Variants in GLI3 observed in about 807,000 individuals in gnomAD.
GLI3 encodes the protein GLI family zinc finger 3.
In GLI3, 20 loss-of-function variants were observed where a neutral mutation model predicts 100.8. The ratio of observed to expected loss-of-function variants is 0.20; its 90% confidence interval spans 0.14 to 0.29. GLI3 has a LOEUF of 0.29. Among genes scored for constraint, GLI3 ranks in the 10% least tolerant of loss-of-function variants. The pLI is 1.00. For missense variants in GLI3, 2,040 were observed against 2,128.5 expected (o/e 0.96, Z 0.82); for synonymous variants, 938 against 860.5 (o/e 1.09, Z -1.58).
intron 3 of GLI3, among the ~76,000 whole-genome samples, chr7:42,100,287 G>A (rs73688635): frequency 0.032 from 4,934 of 152,292 alleles, 279 homozygotes; most frequent in African/African-American, 0.11. Flanking sequence ...CTGGTGCAGT[G>A]GGTTGAACTG....
chr7:42,257,182 C>G (rs956262559), intron 1 of GLI3, among the ~76,000 whole-genome samples: 1 of 152,032 alleles, frequency 6.6e-6, no homozygotes, highest in Non-Finnish European at 1.5e-5. Flanking sequence ...TTTCTACATA[C>G]AAAATTATGT....
upstream of GLI3, among the ~76,000 whole-genome samples, chr7:42,239,349 G>T (rs1331445531): frequency 6.6e-6 from 1 of 152,186 alleles, no homozygotes; most frequent in Non-Finnish European, 1.5e-5. Context: ...TCCCAGGATG[G>T]CTGAGGGTTT....
intron 1 of GLI3, among the ~76,000 whole-genome samples, chr7:42,249,187 C>T (rs1789006027): frequency 6.6e-6 from 1 of 152,022 alleles, no homozygotes; most frequent in Admixed American, 6.5e-5. Flanking sequence ...TGTAAAAGAC[C>T]ACAACTTTTC....
intron 3 of GLI3, among the ~76,000 whole-genome samples, chr7:42,102,821 AC>A (rs1785495568): frequency 6.6e-6 from 1 of 151,732 alleles, no homozygotes; most frequent in African/African-American, 2.4e-5. Context: ...GTCTTTAACA[AC>A]CCCCTGAATA....
At chr7:42,097,674 G>T (rs1353906309) in intron 3 of GLI3, among the ~76,000 whole-genome samples, 1 of 152,184 alleles carries the variant, frequency 6.6e-6, no homozygotes, top group Non-Finnish European at 1.5e-5. Context: ...TCCTTTGAAA[G>T]AAGAAAAAAT....
intron 7 of GLI3, among the ~76,000 whole-genome samples, chr7:42,038,324 G>C (rs889526139): frequency 8.5e-5 from 13 of 152,212 alleles, no homozygotes; most frequent in Admixed American, 6.5e-5. Flanking sequence ...AACCATCCCA[G>C]CTCAGCTCCC....
At chr7:42,061,953 A>G (rs1271299170) in intron 4 of GLI3, among the ~76,000 whole-genome samples, 3 of 152,158 alleles carry the variant, frequency 2.0e-5, no homozygotes, top group Admixed American at 6.5e-5. Flanking sequence ...AGGAGCTACA[A>G]AGTCTCCTTC....
rs1200929301 is a variant in GLI3 at position 42,225,999 on chromosome 7, A to G, written c.-42-2704T>C. Among the ~76,000 whole-genome samples the G allele has an allele frequency of 2.6e-5, 4 of 152,202 alleles. No homozygotes were observed. In the South Asian group the frequency reaches 6.2e-4, roughly 24 times the overall value. On this transcript the variant is annotated intron_variant, in intron 1 of 14. Transcript: ENST00000395925. Reference sequence around the variant, plus strand: ...GGACTCTGCAGCGTCTTGAATTTCAATCACCACTGGTTTAGCTACATACAT... The same window carrying G: ...GGACTCTGCAGCGTCTTGAATTTCAGTCACCACTGGTTTAGCTACATACAT...
chr7:42,239,648 A>T (rs956597339), upstream of GLI3, among the ~76,000 whole-genome samples: 2 of 152,236 alleles, frequency 1.3e-5, no homozygotes. Context: ...CTTCAGTCTT[A>T]TAGCACATTT....
Position 42,045,400 on chromosome 7 carries a change from A to C in GLI3, c.810T>G (p.Tyr270Ter). The change falls in exon 6 of 15, where the codon TAT (tyrosine) becomes TAG (stop). Residue 270 changes from tyrosine (Y) to a stop codon, truncating the protein, a stop_gained. Transcript: ENST00000395925. LOFTEE classifies it high-confidence loss of function. The stretch of plus-strand genomic sequence containing the variant: ...GTCACTTACTATCCATAGCATGAAG[A>C]TATTCCATGTGGATGGCCCCCGTGC... ...TAGTGAIHMEYLHAMDSTRFS... is the reference protein window; with the variant it reads ...TAGTGAIHME 1 of 1,614,052 alleles carries C rather than the reference A, an allele frequency of 6.2e-7. No homozygotes were observed. The highest frequency in any genetic ancestry group is 8.5e-7 in the Non-Finnish European group (1 of 1,179,904).
chr7:42,178,141 G>A (rs1339988850), intron 2 of GLI3, among the ~76,000 whole-genome samples: 1 of 152,146 alleles, frequency 6.6e-6, no homozygotes, highest in Non-Finnish European at 1.5e-5. Context: ...CTGAGATGTC[G>A]GCCAAAAGCA....
intron 1 of GLI3, among the ~76,000 whole-genome samples, chr7:42,255,023 G>A (rs990858679): frequency 6.6e-5 from 10 of 150,968 alleles, no homozygotes; most frequent in African/African-American, 2.4e-4. Flanking sequence ...TCTGCTCTTT[G>A]TGTTTCTCTC....
chr7:42,230,790 G>C (rs117461098), intron 1 of GLI3, among the ~76,000 whole-genome samples: 6,912 of 152,258 alleles, frequency 0.045, 196 homozygotes, highest in Non-Finnish European at 0.066. Flanking sequence ...TGCATAGCAG[G>C]TGCCATTAAA....
At chr7:42,141,604 G>A (rs1330018482) in intron 3 of GLI3, among the ~76,000 whole-genome samples, 1 of 152,118 alleles carries the variant, frequency 6.6e-6, no homozygotes, top group African/African-American at 2.4e-5. Flanking sequence ...CCTGGGAGGC[G>A]GAGGTTGCGG....
At chr7:42,112,842 C>T (rs904545078) in intron 3 of GLI3, among the ~76,000 whole-genome samples, 3 of 152,040 alleles carry the variant, frequency 2.0e-5, no homozygotes, top group Admixed American at 6.6e-5. Context: ...TGCATCCCAG[C>T]CTGCCCAAGA....
chr7:42,000,294 T>G (rs553454289), intron 10 of GLI3, among the ~76,000 whole-genome samples: 2 of 152,308 alleles, frequency 1.3e-5, no homozygotes, highest in Non-Finnish European at 2.9e-5. Context: ...CAATATAAAC[T>G]TTACGACTTG....
intron 3 of GLI3, among the ~76,000 whole-genome samples, chr7:42,123,677 A>G (rs997424251): frequency 3.3e-5 from 5 of 152,214 alleles, no homozygotes; most frequent in African/African-American, 1.2e-4. Flanking sequence ...TTAAGTAATT[A>G]CCAAAAGTAA....
At chr7:42,125,861 T>C (rs540992430) in intron 3 of GLI3, among the ~76,000 whole-genome samples, 1 of 152,248 alleles carries the variant, frequency 6.6e-6, no homozygotes, top group Non-Finnish European at 1.5e-5. Flanking sequence ...ATGTCTGAGA[T>C]AACTCAAAAA....
At chr7:42,133,697 G>A (rs1274577030) in intron 3 of GLI3, among the ~76,000 whole-genome samples, 5 of 150,180 alleles carry the variant, frequency 3.3e-5, no homozygotes, top group Non-Finnish European at 5.9e-5. Context: ...GGCTCATTAT[G>A]AGAGAAACAC....
Sources: allele counts gnomAD v4.1 joint callset (sites outside exome capture counted in the v4.1 genomes callset), GRCh38; gene constraint gnomAD v4.1.1; transcripts MANE v1.5; gene names NCBI Gene and HGNC (gene_info 2026-07-23, HGNC 2026-07-21).